The following STK11IP variants were observed in gnomAD, a reference collection of about 807,000 sequenced individuals.
The protein encoded by STK11IP is serine/threonine kinase 11 interacting protein.
A neutral mutation model predicts 131.7 loss-of-function variants in STK11IP; 103 were observed. The observed-to-expected ratio is 0.78, with a 90% CI of 0.67 to 0.92. The LOEUF (loss-of-function observed/expected upper bound fraction) is 0.92. Among genes scored for constraint, STK11IP ranks in the 40% least tolerant of loss-of-function variants. The pLI is 0.00. For missense variants in STK11IP, 1,315 were observed against 1,385.7 expected (o/e 0.95, Z 0.81); for synonymous variants, 557 against 575.6 (o/e 0.97, Z 0.46).
intron 19 of STK11IP, among the ~76,000 whole-genome samples, chr2:219,612,463 A>G (rs1189493682): frequency 1.3e-5 from 2 of 152,248 alleles, no homozygotes; most frequent in Non-Finnish European, 2.9e-5. Context: ...TGAGAAGCTG[A>G]CAATGATTAT....
chr2:219,615,038 C>A, intron 23 of STK11IP, 56 bp from the exon 24 acceptor site: 1 of 1,565,710 alleles, frequency 6.4e-7, no homozygotes, highest in Non-Finnish European at 8.6e-7. Flanking sequence ...GGACGCTGGC[C>A]CCAGGGATCT....
Position 219,611,964 on chromosome 2 carries a change from G to A in STK11IP, c.2345G>A (p.Arg782His), listed in dbSNP as rs772736228. 14 of 1,596,160 alleles carry A rather than the reference G, an allele frequency of 8.8e-6. No homozygotes were observed. The Admixed American group carries it at 1.0e-4, about 12-fold the overall frequency. The change falls in exon 19 of 25, where the codon CGC (arginine) becomes CAC (histidine). Residue 782 changes from arginine (R) to histidine (H), a missense_variant. Physicochemically the swap from Arg to His is conservative, Grantham distance 29. Coordinates refer to ENST00000456909, the MANE Select transcript of STK11IP (RefSeq NM_052902.4). ...GSWSLSPPPERCGLRSVDHRL... is the reference protein window; with the variant it reads ...GSWSLSPPPEHCGLRSVDHRL... ...CCCTCATTGCCCTCAGCCCCTGAGCGCTGTGGCCTCCGCTCTGTGGACCAC... is the reference window on the plus strand; with the variant it reads ...CCCTCATTGCCCTCAGCCCCTGAGCACTGTGGCCTCCGCTCTGTGGACCAC...
chr2:219,614,497 A>G lies in STK11IP; in HGVS notation c.2820A>G (p.Ser940=). 1.2e-6 allele frequency: 2 copies of G among 1,613,772 alleles called. No individual in the cohort carries two copies. Among genetic ancestry groups the G allele is most frequent in the Non-Finnish European group, 1.7e-6 (2 of 1,179,864 alleles). Residue 940 remains serine (S), a synonymous_variant, in exon 23 of 25, where the codon TCA becomes TCG. Transcript: ENST00000456909. The stretch of plus-strand genomic sequence containing the variant: ...CTAGGCCATTGCTGGAAAAAGACTC[A>G]TCCTTGGAGGCTCGCCAGTTCTTCT... The part of the protein sequence containing the change: ...HRLWPLLEKD[S]SLEARQFFYL...
At chr2:219,602,342 T>A in intron 5 of STK11IP, 126 bp from the exon 6 acceptor site, 1 of 758,816 alleles carries the variant, frequency 1.3e-6, no homozygotes, top group Non-Finnish European at 2.1e-6. Flanking sequence ...ACCTGGGCTT[T>A]AAGCCTGTAT....
At chr2:219,605,869 C>G (rs1388973721) in intron 8 of STK11IP, 87 bp from the exon 9 acceptor site, 2 of 1,474,846 alleles carry the variant, frequency 1.4e-6, no homozygotes, top group Non-Finnish European at 1.9e-6. Context: ...GCCGGTCTTT[C>G]TGCTGCAACC....
chr2:219,609,242 A>T, intron 16 of STK11IP, 29 bp downstream of exon 16: 1 of 1,578,030 alleles, frequency 6.3e-7, no homozygotes, highest in Non-Finnish European at 8.6e-7. Context: ...GGGGCCCAGG[A>T]GGCTGTGGGG....
At chr2:219,611,571 G>T (rs189945336) in intron 17 of STK11IP, 33 bp from the exon 18 acceptor site, 90 of 1,552,216 alleles carry the variant, frequency 5.8e-5, no homozygotes, top group Middle Eastern at 5.1e-4. Flanking sequence ...CTGTGGGGGG[G>T]GCTCATGGGG....
In STK11IP at chr2:219,616,135, A is replaced by T. The variant is rs772555639; in HGVS notation, c.3209A>T (p.Glu1070Val). The stretch of plus-strand genomic sequence containing the variant: ...GCCTGGATCCGGGAACCATGGGAGG[A>T]GCTGTTTTCCATCGGACTCCGGACA... ...LLAWIREPWEELFSIGLRTVI... is the reference protein window; with the variant it reads ...LLAWIREPWEVLFSIGLRTVI... Residue 1070 changes from glutamate to valine, a missense_variant, in exon 25 of 25, where the codon GAG (glutamate) becomes GTG (valine). By Grantham distance (121) the Glu-to-Val change is moderately radical. Coordinates refer to ENST00000456909, the MANE Select transcript of STK11IP (RefSeq NM_052902.4). 6.2e-7 allele frequency: 1 copy of T among 1,613,680 alleles called. No homozygotes were observed. The highest frequency in any genetic ancestry group is 8.5e-7 in the Non-Finnish European group (1 of 1,179,856).
At position 219,606,252 on chromosome 2, in the gene STK11IP, C is replaced by A; in HGVS notation, c.907C>A (p.Gln303Lys). 1 of 1,572,630 alleles carries A rather than the reference C, an allele frequency of 6.4e-7. No individual in the cohort carries two copies. Residue 303 changes from glutamine (Q) to lysine (K), a missense_variant, in exon 10 of 25, where the codon CAG becomes AAG. Gln to Lys is a moderately conservative substitution (Grantham distance 53, BLOSUM62 1). Transcript: ENST00000456909. ...CCCTGAGCACCGAGCAGCCACTGCC[C>A]AGTACTTGTCACCCCGGGCCAGGGA... is the stretch of plus-strand genomic sequence containing the variant. The part of the protein sequence containing the change: ...FHPEHRAATA[Q>K]YLSPRARDAA...
Position 219,608,715 on chromosome 2 carries a change from G to A in STK11IP, c.1736G>A (p.Arg579Gln), listed in dbSNP as rs753232181. The A allele has an allele frequency of 7.4e-6, 12 of 1,613,032 alleles. No individual in the cohort carries two copies. The African/African-American group carries it at 8.0e-5, about 11-fold the overall frequency. The change falls in exon 15 of 25, where the codon CGA becomes CAA. Residue 579 changes from arginine to glutamine, a missense_variant. Transcript: ENST00000456909. ...VELQAARTLE[R>Q]LELQSLEAAE... ...CTCCAAGCAGCTCGCACCTTGGAGC[G>A]ACTGGAGCTCCAGAGTCTGGAGGCA...
At position 219,616,230 on chromosome 2, in the gene STK11IP, C is replaced by T; in HGVS notation, c.*37C>T. ...TGACCTTGGCCCTGACCTCAGGAGC[C>T]ACGCTGTAGACATTCCCTCTCCTGG... On this transcript the variant is annotated 3_prime_UTR_variant, in exon 25 of 25. Coordinates refer to ENST00000456909, the MANE Select transcript of STK11IP (RefSeq NM_052902.4). The T allele has an allele frequency of 1.3e-6, 2 of 1,594,002 alleles. No homozygotes were observed. The highest frequency in any genetic ancestry group is 1.3e-5 in the African/African-American group (1 of 74,668).
rs2106163560 is a variant in STK11IP, at chr2:219,611,713, T to C, written c.2214T>C (p.Pro738=). The change falls in exon 18 of 25, where the codon CCT becomes CCC. Residue 738 remains proline (P), a synonymous_variant. Transcript: ENST00000456909. ...AACAGGGAGAGCAGTCTCTGGCTCC[T>C]TCTCCGTCTGCCAGCCCTGTCTGCC... ...ERKQGEQSLA[P]SPSASPVCHP... is the part of the protein sequence containing the mutation. 1 of 1,612,156 alleles carries C rather than the reference T, an allele frequency of 6.2e-7. No individual in the cohort carries two copies. The highest frequency in any genetic ancestry group is 1.3e-5 in the African/African-American group (1 of 74,274).
rs1697859659 is a variant in STK11IP at position 219,598,193 on chromosome 2, C to A, written c.61+13C>A. On this transcript the variant is annotated intron_variant, in intron 2 of 24. Transcript: ENST00000456909. ...CTGCGGGAGTCCGGTGAGTGGACTT[C>A]CGGTTGGGCTGGGCCTCGGACCTCG... 1 of 1,539,910 alleles carries A rather than the reference C, an allele frequency of 6.5e-7. No individual in the cohort carries two copies. Among genetic ancestry groups the A allele is most frequent in the Non-Finnish European group, 8.8e-7 (1 of 1,139,946 alleles).
chr2:219,614,921 A>C, intron 23 of STK11IP, 173 bp from the exon 24 acceptor site: 64 of 743,992 alleles, frequency 8.6e-5, no homozygotes, highest in Non-Finnish European at 1.3e-4. Context: ...ATTCCAGAGT[A>C]GAGATTCATG....
At chr2:219,600,273 T>C (rs1697944787) in intron 2 of STK11IP, among the ~76,000 whole-genome samples, 1 of 151,228 alleles carries the variant, frequency 6.6e-6, no homozygotes, top group Admixed American at 6.6e-5. Context: ...AGTCGTAGAA[T>C]AATTTTTTGT....
At chr2:219,607,441 G>GT (rs1698229470) in intron 13 of STK11IP, among the ~76,000 whole-genome samples, 2 of 152,068 alleles carry the variant, frequency 1.3e-5, no homozygotes, top group East Asian at 3.9e-4. Context: ...AGGATTGCCT[G>GT]AGCCCAGGAG....
chr2:219,611,947 G>A lies in STK11IP; in HGVS notation c.2336-8G>A, dbSNP rs1698411180. On this transcript the variant is annotated splice_region_variant and splice_polypyrimidine_tract_variant and intron_variant, in intron 18 of 24. Coordinates refer to ENST00000456909, the MANE Select transcript of STK11IP (RefSeq NM_052902.4). ...ATGGGCAGGCTGATGCCCCCTCATT[G>A]CCCTCAGCCCCTGAGCGCTGTGGCC... The A allele has an allele frequency of 6.3e-7, 1 of 1,587,210 alleles. No homozygotes were observed.
chr2:219,614,554 C>T lies in STK11IP; in HGVS notation c.2869+8C>T, dbSNP rs1383268558. ...GGGCGTTCCTGGTTGAAGGTGAAGCCTCTGTGCAGCTGATGCTTCCCTGGT... is the reference window on the plus strand; with the variant it reads ...GGGCGTTCCTGGTTGAAGGTGAAGCTTCTGTGCAGCTGATGCTTCCCTGGT... On this transcript the variant is annotated splice_region_variant and intron_variant, in intron 23 of 24. Transcript: ENST00000456909. 4 of 1,613,606 alleles carry T rather than the reference C, an allele frequency of 2.5e-6. No homozygotes were observed. In the South Asian group the frequency reaches 3.3e-5, roughly 13 times the overall value.
intron 13 of STK11IP, among the ~76,000 whole-genome samples, chr2:219,607,813 A>G (rs550983174): frequency 2.0e-5 from 3 of 152,174 alleles, no homozygotes; most frequent in Non-Finnish European, 4.4e-5. Flanking sequence ...GGATGCTATC[A>G]TGTATGCTGA....
Sources: allele counts gnomAD v4.1 joint callset (sites outside exome capture counted in the v4.1 genomes callset), GRCh38; gene constraint gnomAD v4.1.1; transcripts MANE v1.5; gene names NCBI Gene and HGNC (gene_info 2026-07-23, HGNC 2026-07-21).